The following PDE1C variants were observed in gnomAD, a reference collection of about 807,000 sequenced individuals.
The protein encoded by PDE1C is dual specificity calcium/calmodulin-dependent 3',5'-cyclic nucleotide phosphodiesterase 1C.
Under a neutral mutation model 93.1 loss-of-function variants are expected in PDE1C, and 62 were observed. The ratio of observed to expected loss-of-function variants is 0.67; its 90% CI spans 0.54 to 0.82. The LOEUF is 0.82. Among genes scored for constraint, PDE1C ranks in the 40% least tolerant of loss-of-function variants. The pLI is 0.00. For missense variants in PDE1C, 742 were observed against 884.6 expected (o/e 0.84, Z 2.04); for synonymous variants, 325 against 310.1 (o/e 1.05, Z -0.50).
intron 11 of PDE1C, among the ~76,000 whole-genome samples, chr7:31,834,840 C>T (rs572353188): frequency 1.5e-4 from 23 of 152,052 alleles, no homozygotes; most frequent in Non-Finnish European, 2.2e-4. Flanking sequence ...TGTTAGAATA[C>T]GAGATTTGGG....
chr7:31,908,844 T>C (rs7777892), intron 2 of PDE1C, among the ~76,000 whole-genome samples: 4,779 of 152,264 alleles, frequency 0.031, 239 homozygotes, highest in African/African-American at 0.11. Flanking sequence ...TGAAGGTATT[T>C]TGTAAATGTT....
the PDE1C span, chr7:31,692,409 TG>T: frequency 6.6e-7 from 1 of 1,522,474 alleles, no homozygotes; most frequent in Non-Finnish European, 9.1e-7. Context: ...TCCTTAGTGC[TG>T]GAGAAGAAAT....
intron 3 of PDE1C, among the ~76,000 whole-genome samples, chr7:32,076,642 C>CAA (rs869181797): frequency 4.9e-5 from 2 of 40,430 alleles, no homozygotes; most frequent in Non-Finnish European, 5.0e-5. Flanking sequence ...GACTCCATCT[C>CAA]AAAAAAAAAA....
intron 2 of PDE1C, among the ~76,000 whole-genome samples, chr7:31,887,447 G>T (rs539182942): frequency 6.6e-6 from 1 of 152,180 alleles, no homozygotes; most frequent in South Asian, 2.1e-4. Context: ...TAAATTACTG[G>T]ACTCCAGTTA....
intron 2 of PDE1C, among the ~76,000 whole-genome samples, chr7:32,025,021 A>G (rs1367915537): frequency 6.6e-6 from 1 of 152,080 alleles, no homozygotes; most frequent in Non-Finnish European, 1.5e-5. Context: ...CACGCCAATG[A>G]CCAGCAAAGC....
intron 3 of PDE1C, among the ~76,000 whole-genome samples, chr7:32,081,286 T>C (rs1404351325): frequency 2.0e-5 from 3 of 152,136 alleles, no homozygotes; most frequent in Admixed American, 2.0e-4. Context: ...ATTAAGACCA[T>C]GTTAGAAACC....
intron 1 of PDE1C, among the ~76,000 whole-genome samples, chr7:32,317,155 G>C (rs1783191938): frequency 6.6e-6 from 1 of 152,170 alleles, no homozygotes; most frequent in Admixed American, 6.6e-5. Context: ...ACAAGAAATG[G>C]AAAAGGGTAA....
chr7:32,095,378 C>G (rs1031141757), intron 3 of PDE1C, among the ~76,000 whole-genome samples: 1 of 152,148 alleles, frequency 6.6e-6, no homozygotes, highest in Non-Finnish European at 1.5e-5. Flanking sequence ...CTTCCATGGC[C>G]GGACATGGAC....
In PDE1C at chr7:31,753,569, A is replaced by G. The variant is rs1347119079; in HGVS notation, c.1961-16T>C. ...GGCTTGATGACTGGCGGCCATGGAAAGGAAGACAGACAACGGTTAGCCTCA... is the reference window on the plus strand; with the variant it reads ...GGCTTGATGACTGGCGGCCATGGAAGGGAAGACAGACAACGGTTAGCCTCA... On this transcript the variant is annotated splice_polypyrimidine_tract_variant and intron_variant, in intron 17 of 17. Coordinates refer to ENST00000396191, the MANE Select transcript of PDE1C (RefSeq NM_001191057.4). 1 of 1,606,062 alleles carries G rather than the reference A, an allele frequency of 6.2e-7. No individual in the cohort carries two copies. The highest frequency in any genetic ancestry group is 8.5e-7 in the Non-Finnish European group (1 of 1,176,388).
intron 1 of PDE1C, among the ~76,000 whole-genome samples, chr7:32,216,784 A>G (rs951127626): frequency 2.6e-5 from 4 of 152,154 alleles, no homozygotes; most frequent in Non-Finnish European, 4.4e-5. Context: ...TAAACCCAGG[A>G]GTATCTAGTG....
intron 1 of PDE1C, among the ~76,000 whole-genome samples, chr7:32,404,048 G>A (rs547554797): frequency 2.6e-4 from 40 of 152,210 alleles, no homozygotes; most frequent in African/African-American, 5.1e-4. Context: ...TTAGCCCAAC[G>A]ACTAACTGCC....
chr7:31,675,515 C>T, the PDE1C span, among the ~76,000 whole-genome samples: 1 of 152,064 alleles, frequency 6.6e-6, no homozygotes, highest in Non-Finnish European at 1.5e-5. Flanking sequence ...TCCATGCCAC[C>T]AACATCCTGT....
At chr7:31,840,763 C>G (rs191147015) in intron 9 of PDE1C, among the ~76,000 whole-genome samples, 1 of 152,166 alleles carries the variant, frequency 6.6e-6, no homozygotes, top group Admixed American at 6.6e-5. Flanking sequence ...CAATTCTGTC[C>G]CATAGTTACG....
chr7:32,205,858 G>A (rs1424870591), intron 2 of PDE1C, among the ~76,000 whole-genome samples: 1 of 152,104 alleles, frequency 6.6e-6, no homozygotes, highest in African/African-American at 2.4e-5. Context: ...GAGTCATTAA[G>A]ATCGTGAACC....
intron 2 of PDE1C, among the ~76,000 whole-genome samples, chr7:31,961,713 G>A (rs556412740): frequency 8.5e-5 from 13 of 152,072 alleles, no homozygotes; most frequent in African/African-American, 1.4e-4. Flanking sequence ...ACATACATAC[G>A]TATGTATAAC....
chr7:31,969,420 T>C (rs553936087), intron 2 of PDE1C, among the ~76,000 whole-genome samples: 4 of 152,090 alleles, frequency 2.6e-5, no homozygotes, highest in Non-Finnish European at 5.9e-5. Flanking sequence ...ATCAGAGAAA[T>C]GCAAATCAAA....
chr7:31,649,681 A>G, the PDE1C span, among the ~76,000 whole-genome samples: 1 of 152,144 alleles, frequency 6.6e-6, no homozygotes, highest in East Asian at 1.9e-4. Context: ...ATATTACTCA[A>G]AGTCAAATGG....
At chr7:31,642,685 C>A in the PDE1C span, 1 of 1,612,860 alleles carries the variant, frequency 6.2e-7, no homozygotes, top group Non-Finnish European at 8.5e-7. Context: ...CCTACAGATG[C>A]CTTCCTTGCC....
chr7:31,671,929 C>A, the PDE1C span, among the ~76,000 whole-genome samples: 1 of 152,170 alleles, frequency 6.6e-6, no homozygotes, highest in Non-Finnish European at 1.5e-5. Flanking sequence ...CCCACAAGGT[C>A]TTTTGTACTT....
Sources: allele counts gnomAD v4.1 joint callset (sites outside exome capture counted in the v4.1 genomes callset), GRCh38; gene constraint gnomAD v4.1.1; transcripts MANE v1.5; gene names NCBI Gene and HGNC (gene_info 2026-07-23, HGNC 2026-07-21).